FAT3: variants seen among roughly 807,000 people sequenced by gnomAD.
The protein encoded by FAT3 is protocadherin Fat 3.
Under a neutral mutation model 310.2 loss-of-function variants are expected in FAT3, and 95 were observed. The ratio of observed to expected loss-of-function variants is 0.31; its 90% CI spans 0.26 to 0.36. The LOEUF is 0.36. Ranked by LOEUF, FAT3 falls within the 10% of genes least tolerant of loss-of-function variation. The pLI is 1.00. For missense variants in FAT3, 5,408 were observed against 5,715.6 expected (o/e 0.95, Z 1.74); for synonymous variants, 2,314 against 2,192.9 (o/e 1.06, Z -1.54).
At chr11:92,802,704 C>G (rs1664203181) in intron 10 of FAT3, among the ~76,000 whole-genome samples, 1 of 152,100 alleles carries the variant, frequency 6.6e-6, no homozygotes, top group Non-Finnish European at 1.5e-5. Flanking sequence ...TTGATGTCGT[C>G]ACATTCAAAG....
chr11:92,774,894 G>T (rs901817949), intron 7 of FAT3, among the ~76,000 whole-genome samples: 8 of 152,166 alleles, frequency 5.3e-5, no homozygotes, highest in African/African-American at 1.9e-4. Flanking sequence ...AAATCTTTGG[G>T]CTTCTCATGT....
chr11:92,599,485 G>A (rs1174947791), intron 3 of FAT3, among the ~76,000 whole-genome samples: 1 of 152,092 alleles, frequency 6.6e-6, no homozygotes, highest in East Asian at 1.9e-4. Flanking sequence ...CGACATTTAG[G>A]CAGAGACACA....
At chr11:92,734,010 C>T (rs941023240) in intron 4 of FAT3, among the ~76,000 whole-genome samples, 2 of 152,182 alleles carry the variant, frequency 1.3e-5, no homozygotes, top group African/African-American at 2.4e-5. Context: ...CCTAATATGC[C>T]AGGAAGCTCT....
In FAT3 at chr11:92,866,953, C is replaced by T. The variant is rs1442319725; in HGVS notation, c.11871C>T (p.Tyr3957=). ...FQTLSTESSI[Y]FGALVQADNI... ...CGCTGAGCACTGAGAGTAGCATCTA[C>T]TTCGGCGCCCTGGTGCAAGCGGATA... The change falls in exon 22 of 28, where the codon TAC becomes TAT. Residue 3957 remains tyrosine (Y), a synonymous_variant. Coordinates refer to ENST00000525166, the MANE Select transcript of FAT3 (RefSeq NM_001367949.2). 2.5e-6 allele frequency: 4 copies of T among 1,613,488 alleles called. No individual in the cohort carries two copies. The highest frequency in any genetic ancestry group is 3.4e-6 in the Non-Finnish European group (4 of 1,179,716).
chr11:92,486,399 C>T (rs916670276), intron 2 of FAT3, among the ~76,000 whole-genome samples: 3 of 151,276 alleles, frequency 2.0e-5, no homozygotes, highest in Non-Finnish European at 4.4e-5. Context: ...CTGCTATTTC[C>T]TGGGGTCATG....
chr11:92,293,167 C>T (rs1373055894), intron 1 of FAT3, among the ~76,000 whole-genome samples: 3 of 151,630 alleles, frequency 2.0e-5, no homozygotes, highest in Non-Finnish European at 4.4e-5. Context: ...AACCTTAGCA[C>T]GTAACCTCCC....
At chr11:92,616,477 A>G (rs1406380488) in intron 3 of FAT3, among the ~76,000 whole-genome samples, 1 of 152,142 alleles carries the variant, frequency 6.6e-6, no homozygotes, top group Non-Finnish European at 1.5e-5. Context: ...GCCCATTTAC[A>G]TTTAAGGTTA....
chr11:92,387,890 A>G (rs905490569), intron 2 of FAT3, among the ~76,000 whole-genome samples: 2 of 152,124 alleles, frequency 1.3e-5, no homozygotes, highest in African/African-American at 4.8e-5. Flanking sequence ...TCTTGATTTT[A>G]AGTAGCTTCA....
rs558378576 is a variant in FAT3 at position 92,578,122 on chromosome 11, C to A, written c.3607+53174C>A. ...ACGTGTTGTGTTTAGAAAATATGTG[C>A]AGGCTAATAAATTATTAAAGAAATA... On this transcript the variant is annotated intron_variant, in intron 3 of 27. Transcript: ENST00000525166. Among the ~76,000 whole-genome samples the A allele has an allele frequency of 7.9e-5, 12 of 152,158 alleles. No homozygotes were observed. In the East Asian group the frequency reaches 2.3e-3, roughly 29 times the overall value.
intron 1 of FAT3, among the ~76,000 whole-genome samples, chr11:92,344,676 T>C (rs1297146509): frequency 6.6e-6 from 1 of 152,206 alleles, no homozygotes; most frequent in East Asian, 1.9e-4. Flanking sequence ...AAATCTGTGC[T>C]GGTTTTGCTG....
At chr11:92,468,569 T>A (rs1951831338) in intron 2 of FAT3, among the ~76,000 whole-genome samples, 1 of 152,156 alleles carries the variant, frequency 6.6e-6, no homozygotes, top group African/African-American at 2.4e-5. Flanking sequence ...TCCATTCTCA[T>A]GCTATTAATA....
At chr11:92,323,229 A>ATGTG (rs560735542) in intron 1 of FAT3, among the ~76,000 whole-genome samples, 4 of 151,000 alleles carry the variant, frequency 2.6e-5, no homozygotes, top group Non-Finnish European at 5.9e-5. Context: ...ACATATATAT[A>ATGTG]TGTGTGTGTG....
chr11:92,753,182 A>T (rs1029961739), intron 4 of FAT3, among the ~76,000 whole-genome samples: 1 of 152,136 alleles, frequency 6.6e-6, no homozygotes, highest in African/African-American at 2.4e-5. Context: ...AGGCCTTAAG[A>T]AACTGATGGC....
intron 2 of FAT3, among the ~76,000 whole-genome samples, chr11:92,421,212 G>A (rs675523): frequency 0.84 from 127,759 of 152,208 alleles, 54,104 homozygotes; most frequent in Non-Finnish European, 0.89. Flanking sequence ...TCACTTGAAT[G>A]TCACTTCGAA....
intron 4 of FAT3, among the ~76,000 whole-genome samples, chr11:92,745,667 C>A (rs1335252227): frequency 6.6e-6 from 1 of 151,096 alleles, no homozygotes; most frequent in Non-Finnish European, 1.5e-5. Context: ...TTGGACAAAG[C>A]TGTAATATCA....
At chr11:92,257,019 G>A (rs775699341) in intron 1 of FAT3, among the ~76,000 whole-genome samples, 9 of 151,860 alleles carry the variant, frequency 5.9e-5, no homozygotes, top group African/African-American at 2.2e-4. Context: ...AATTTTTGAG[G>A]GTTTTAGAAC....
At chr11:92,461,725 G>T (rs1358408884) in intron 2 of FAT3, among the ~76,000 whole-genome samples, 1 of 152,144 alleles carries the variant, frequency 6.6e-6, no homozygotes, top group Non-Finnish European at 1.5e-5. Context: ...AGGGAAGAGG[G>T]CCAGAGTCAG....
At chr11:92,241,717 G>C (rs773881266) in intron 1 of FAT3, among the ~76,000 whole-genome samples, 3 of 151,444 alleles carry the variant, frequency 2.0e-5, no homozygotes, top group African/African-American at 4.9e-5. Flanking sequence ...TTAGTTAAAG[G>C]GTATTATTTA....
At chr11:92,371,818 T>TG (rs370229573) in intron 2 of FAT3, among the ~76,000 whole-genome samples, 98 of 152,286 alleles carry the variant, frequency 6.4e-4, no homozygotes, top group African/African-American at 2.1e-3. Flanking sequence ...GTAATGAAGT[T>TG]GGGATCATTG....
Sources: gnomAD v4.1 joint callset for allele counts (sites outside exome capture counted in the v4.1 genomes callset) on GRCh38, gnomAD v4.1.1 for gene constraint, MANE v1.5 for transcripts, NCBI Gene and HGNC (gene_info 2026-07-23, HGNC 2026-07-21) for gene names.